The following CCSER1 variants were observed in gnomAD, a reference collection of about 807,000 sequenced individuals.
CCSER1 encodes coiled-coil serine rich protein 1.
A neutral mutation model predicts 82.0 loss-of-function variants in CCSER1; 41 were observed. The observed-to-expected ratio is 0.50, with a 90% CI of 0.39 to 0.65. The LOEUF (loss-of-function observed/expected upper bound fraction) is 0.65. CCSER1 is among the 30% of genes least tolerant of loss of function. CCSER1 has a pLI of 0.00. For missense variants in CCSER1, 1,119 were observed against 1,064.2 expected (o/e 1.05, Z -0.72); for synonymous variants, 414 against 383.9 (o/e 1.08, Z -0.92).
chr4:90,422,109 G>A, intron 4 of CCSER1, among the ~76,000 whole-genome samples: 1 of 152,198 alleles, frequency 6.6e-6, no homozygotes, highest in East Asian at 1.9e-4. Context: ...ATGAAAGTCA[G>A]TTTTTTCCTC....
At chr4:90,259,335 C>T (rs1345352006) in intron 1 of CCSER1, among the ~76,000 whole-genome samples, 1 of 152,000 alleles carries the variant, frequency 6.6e-6, no homozygotes, top group Non-Finnish European at 1.5e-5. Context: ...TGAGACTTTA[C>T]TGAATTTGTT....
At chr4:91,436,735 T>G (rs932303929) in intron 10 of CCSER1, among the ~76,000 whole-genome samples, 2 of 152,100 alleles carry the variant, frequency 1.3e-5, no homozygotes, top group Non-Finnish European at 2.9e-5. Flanking sequence ...GGAGCTCAGC[T>G]AGGGAAACAG....
intron 10 of CCSER1, among the ~76,000 whole-genome samples, chr4:91,148,069 A>G (rs562747771): frequency 6.6e-6 from 1 of 152,298 alleles, no homozygotes; most frequent in African/African-American, 2.4e-5. Flanking sequence ...GGTTGACTAG[A>G]GTAGTAACAT....
intron 8 of CCSER1, among the ~76,000 whole-genome samples, chr4:90,921,399 C>T (rs1728363245): frequency 6.6e-6 from 1 of 151,928 alleles, no homozygotes; most frequent in African/African-American, 2.4e-5. Context: ...ATAAATAATT[C>T]AAACACATCA....
At chr4:90,139,482 A>T (rs189379887) in intron 1 of CCSER1, among the ~76,000 whole-genome samples, 1 of 152,150 alleles carries the variant, frequency 6.6e-6, no homozygotes. Context: ...TTCAGGTCAT[A>T]TGTTCCTGTT....
chr4:91,041,765 C>T (rs1268481250), intron 9 of CCSER1, among the ~76,000 whole-genome samples: 2 of 152,178 alleles, frequency 1.3e-5, no homozygotes, highest in African/African-American at 4.8e-5. Flanking sequence ...TAAGGCACAA[C>T]AACCTGTTTC....
At chr4:90,180,231 G>A (rs1293748061) in intron 1 of CCSER1, among the ~76,000 whole-genome samples, 1 of 151,796 alleles carries the variant, frequency 6.6e-6, no homozygotes. Flanking sequence ...ACTGCAGACA[G>A]TTTTTTAGAG....
At chr4:90,226,368 C>T (rs537432721) in intron 1 of CCSER1, among the ~76,000 whole-genome samples, 5 of 152,292 alleles carry the variant, frequency 3.3e-5, no homozygotes, top group East Asian at 1.9e-4. Flanking sequence ...TACTGAAGAC[C>T]GAGTGTTAGT....
intron 10 of CCSER1, among the ~76,000 whole-genome samples, chr4:91,163,798 A>G (rs758975998): frequency 1.7e-4 from 26 of 151,966 alleles, no homozygotes; most frequent in South Asian, 1.0e-3. Flanking sequence ...ATCTTCCTCT[A>G]TCCCTTTATT....
At chr4:90,701,005 AT>A (rs1406267284) in intron 6 of CCSER1, among the ~76,000 whole-genome samples, 2 of 152,016 alleles carry the variant, frequency 1.3e-5, no homozygotes, top group Non-Finnish European at 2.9e-5. Flanking sequence ...CCATTTGTCA[AT>A]TTTGGCTTTT....
chr4:91,128,522 C>T (rs1012724062), intron 10 of CCSER1, among the ~76,000 whole-genome samples: 2 of 151,900 alleles, frequency 1.3e-5, no homozygotes, highest in African/African-American at 4.8e-5. Context: ...GATGTAATTG[C>T]TAAGATTATA....
intron 8 of CCSER1, among the ~76,000 whole-genome samples, chr4:90,864,757 C>T (rs1240590653): frequency 6.6e-6 from 1 of 151,934 alleles, no homozygotes; most frequent in Non-Finnish European, 1.5e-5. Flanking sequence ...ATTGATGTTC[C>T]CAGCAATCTA....
rs375546678 is a variant in CCSER1 at position 90,610,143 on chromosome 4, C to G, written c.1725-17882C>G. ...TGGCGGGCACCTGTAGTCCCAGCTA[C>G]TCGGGAGGCTGAGGCAGGAGAATGG... is the stretch of plus-strand genomic sequence containing the variant. On this transcript the variant is annotated intron_variant, in intron 5 of 10. Transcript: ENST00000509176. Among the ~76,000 whole-genome samples, 11 of 152,024 alleles carry G rather than the reference C, an allele frequency of 7.2e-5. No individual in the cohort carries two copies. In the East Asian group the frequency reaches 1.7e-3, roughly 24 times the overall value.
chr4:90,258,371 G>A (rs961429677), intron 1 of CCSER1, among the ~76,000 whole-genome samples: 2 of 152,074 alleles, frequency 1.3e-5, no homozygotes, highest in African/African-American at 4.8e-5. Flanking sequence ...AATTAGCTGG[G>A]CGTGGTGGTG....
intron 4 of CCSER1, among the ~76,000 whole-genome samples, chr4:90,421,559 A>G (rs1756691827): frequency 1.3e-5 from 2 of 152,204 alleles, no homozygotes; most frequent in African/African-American, 4.8e-5. Flanking sequence ...AGAGGAAAGT[A>G]CAAGATAGGA....
intron 9 of CCSER1, among the ~76,000 whole-genome samples, chr4:91,031,833 A>G (rs73834733): frequency 0.014 from 2,137 of 152,248 alleles, 36 homozygotes; most frequent in East Asian, 0.044. Context: ...ATATAATATC[A>G]AATAAATGAA....
At chr4:90,907,255 G>A (rs1452320429) in intron 8 of CCSER1, among the ~76,000 whole-genome samples, 1 of 152,068 alleles carries the variant, frequency 6.6e-6, no homozygotes, top group Non-Finnish European at 1.5e-5. Context: ...GTTTATAGAT[G>A]AATAAAAGTG....
At chr4:90,447,000 G>A (rs1055024129) in intron 4 of CCSER1, among the ~76,000 whole-genome samples, 2 of 152,132 alleles carry the variant, frequency 1.3e-5, no homozygotes, top group African/African-American at 2.4e-5. Flanking sequence ...TACAAACTGT[G>A]TGTTGATCTG....
chr4:91,282,355 G>T (rs1285109635), intron 10 of CCSER1, among the ~76,000 whole-genome samples: 1 of 152,126 alleles, frequency 6.6e-6, no homozygotes, highest in Non-Finnish European at 1.5e-5. Context: ...GTCTATTCAA[G>T]ATTCTGTCTT....
Sources: allele counts gnomAD v4.1 joint callset (sites outside exome capture counted in the v4.1 genomes callset), GRCh38; gene constraint gnomAD v4.1.1; transcripts MANE v1.5; gene names NCBI Gene and HGNC (gene_info 2026-07-23, HGNC 2026-07-21).